SHANK2: variants seen among roughly 807,000 people sequenced by gnomAD.
SHANK2 encodes SH3 and multiple ankyrin repeat domains 2.
In SHANK2, 43 loss-of-function variants were observed where a neutral mutation model predicts 133.7. That is an observed-to-expected ratio of 0.32 (90% confidence interval 0.25 to 0.41). SHANK2 has a LOEUF of 0.41. SHANK2 is among the 10% of genes least tolerant of loss of function. The pLI, the probability that SHANK2 is intolerant of heterozygous loss-of-function variation, is 1.00. For missense variants in SHANK2, 1,994 were observed against 2,235.8 expected, an observed-to-expected ratio of 0.89 and a Z score of 2.18; for synonymous variants, 1,017 against 952.8, an observed-to-expected ratio of 1.07 and a Z score of -1.24.
At chr11:70,947,103 A>G (rs1950756034) in intron 10 of SHANK2, among the ~76,000 whole-genome samples, 1 of 143,144 alleles carries the variant, frequency 7.0e-6, no homozygotes, top group Non-Finnish European at 1.5e-5. Flanking sequence ...GCTGACCCCA[A>G]TCTGGTGAAA....
intron 11 of SHANK2, among the ~76,000 whole-genome samples, chr11:70,832,452 G>A (rs1039773313): frequency 2.0e-5 from 3 of 152,180 alleles, no homozygotes; most frequent in Non-Finnish European, 4.4e-5. Context: ...TCAGCCCTTG[G>A]GGCATGTTGT....
At chr11:71,078,948 C>T (rs1380560206) in intron 8 of SHANK2, among the ~76,000 whole-genome samples, 1 of 152,256 alleles carries the variant, frequency 6.6e-6, no homozygotes, top group African/African-American at 2.4e-5. Flanking sequence ...ACATCACCAT[C>T]CTGCCCTTGA....
At chr11:70,853,570 G>A (rs58729192) in intron 11 of SHANK2, among the ~76,000 whole-genome samples, 6 of 152,176 alleles carry the variant, frequency 3.9e-5, no homozygotes, top group Non-Finnish European at 7.3e-5. Context: ...AGCTCCACCA[G>A]CCCGGAGCGT....
chr11:70,566,897 C>T (rs1319773755), intron 17 of SHANK2, among the ~76,000 whole-genome samples: 1 of 152,174 alleles, frequency 6.6e-6, no homozygotes, highest in Non-Finnish European at 1.5e-5. Context: ...TTTGAAGTCC[C>T]TCATTAATTA....
chr11:70,773,454 CT>C (rs1181968184), intron 14 of SHANK2, among the ~76,000 whole-genome samples: 1 of 152,184 alleles, frequency 6.6e-6, no homozygotes, highest in Non-Finnish European at 1.5e-5. Context: ...CATGACATCT[CT>C]TTTCACTTGG....
At position 70,509,216 on chromosome 11, in the gene SHANK2, A is replaced by C. The variant is rs561192330; in HGVS notation, c.2062-6285T>G. Among the ~76,000 whole-genome samples, 3 of 152,344 alleles carry C rather than the reference A, an allele frequency of 2.0e-5. No homozygotes were observed. The South Asian group carries it at 6.2e-4, about 32-fold the overall frequency. On this transcript the variant is annotated intron_variant, in intron 17 of 25. Coordinates refer to ENST00000601538, the MANE Select transcript of SHANK2 (RefSeq NM_012309.5). ...TGAGGACTGTTCTATTGCAGCCCTC[A>C]GCCACAGTGCATCTCTGTCTGCTGC...
chr11:70,910,895 G>GGTGT (rs1407349977), intron 10 of SHANK2: 2 of 436,998 alleles, frequency 4.6e-6, no homozygotes, highest in African/African-American at 4.0e-5. Flanking sequence ...GTTGCTTGGT[G>GGTGT]GTGCGTGTGT....
intron 13 of SHANK2, among the ~76,000 whole-genome samples, chr11:70,806,167 C>A (rs1802214570): frequency 6.6e-6 from 1 of 152,254 alleles, no homozygotes. Context: ...ACCCATGCCA[C>A]TCCAATGGCA....
At chr11:71,085,894 AT>A (rs1951394040) in intron 8 of SHANK2, among the ~76,000 whole-genome samples, 4 of 200 alleles carry the variant, frequency 0.02, 1 homozygote, top group African/African-American at 0.077. Flanking sequence ...ACCTTAATAT[AT>A]ATATTAATTA....
chr11:70,914,717 T>TAAAATAAAATAAAATA (rs1489678395), intron 10 of SHANK2, among the ~76,000 whole-genome samples: 33 of 145,566 alleles, frequency 2.3e-4, no homozygotes, highest in Non-Finnish European at 3.7e-4. Context: ...TAAAATAAAA[T>TAAAATAAAATAAAATA]AAAACAAAAC....
chr11:70,744,589 A>G (rs1020159563), intron 14 of SHANK2, among the ~76,000 whole-genome samples: 3 of 152,198 alleles, frequency 2.0e-5, no homozygotes, highest in Non-Finnish European at 2.9e-5. Flanking sequence ...CAGCAGCTCC[A>G]GTGGTCCTGG....
At chr11:70,937,479 G>C (rs1555083623) in intron 10 of SHANK2, among the ~76,000 whole-genome samples, 1 of 152,176 alleles carries the variant, frequency 6.6e-6, no homozygotes, top group Non-Finnish European at 1.5e-5. Context: ...GCCCCCTGGG[G>C]TCTCCCAGAT....
chr11:71,130,244 A>T (rs1444363431), intron 3 of SHANK2, among the ~76,000 whole-genome samples: 1 of 152,300 alleles, frequency 6.6e-6, no homozygotes, highest in East Asian at 1.9e-4. Flanking sequence ...AGTCTCTGCA[A>T]CCTACCAAGG....
At chr11:71,069,746 C>T (rs1455364901) in intron 9 of SHANK2, among the ~76,000 whole-genome samples, 1 of 152,184 alleles carries the variant, frequency 6.6e-6, no homozygotes, top group Non-Finnish European at 1.5e-5. Context: ...AAACCCAGAC[C>T]ACCATGCCTC....
intron 10 of SHANK2, among the ~76,000 whole-genome samples, chr11:70,905,126 C>A (rs1950080493): frequency 1.3e-5 from 2 of 152,262 alleles, no homozygotes; most frequent in South Asian, 4.2e-4. Context: ...GACTCAGTAC[C>A]TGGACAGGCT....
At chr11:70,621,108 C>T (rs782383320) in intron 17 of SHANK2, among the ~76,000 whole-genome samples, 12 of 152,156 alleles carry the variant, frequency 7.9e-5, no homozygotes, top group African/African-American at 2.4e-4. Context: ...ACCAAGGCAC[C>T]GGGATCGGGC....
chr11:70,681,734 A>G (rs374292883), intron 15 of SHANK2, among the ~76,000 whole-genome samples: 3 of 152,164 alleles, frequency 2.0e-5, no homozygotes, highest in African/African-American at 7.2e-5. Context: ...ACCCAAGCCC[A>G]GTACCTAATG....
intron 2 of SHANK2, among the ~76,000 whole-genome samples, chr11:71,180,908 T>C (rs1473561180): frequency 6.6e-6 from 1 of 151,998 alleles, no homozygotes; most frequent in Non-Finnish European, 1.5e-5. Context: ...CACAGCCCCG[T>C]CCGGCTGTCT....
At chr11:70,663,453 C>G (rs1479409152) in intron 15 of SHANK2, among the ~76,000 whole-genome samples, 1 of 152,160 alleles carries the variant, frequency 6.6e-6, no homozygotes, top group Non-Finnish European at 1.5e-5. Flanking sequence ...TCAGAGAGAT[C>G]GGAGGACCCA....
Sources: gnomAD v4.1 joint callset for allele counts (sites outside exome capture counted in the v4.1 genomes callset) on GRCh38, gnomAD v4.1.1 for gene constraint, MANE v1.5 for transcripts, NCBI Gene and HGNC (gene_info 2026-07-23, HGNC 2026-07-21) for gene names.